Variants in SLC35E2B observed in about 807,000 individuals in gnomAD.
SLC35E2B encodes solute carrier family 35 member E2B.
Under a neutral mutation model 32.4 loss-of-function variants are expected in SLC35E2B, and 18 were observed. That is an observed-to-expected ratio of 0.56 (90% CI 0.38 to 0.82). The LOEUF (loss-of-function observed/expected upper bound fraction) is 0.82. Ranked by LOEUF, SLC35E2B falls within the 40% of genes least tolerant of loss-of-function variation. SLC35E2B has a pLI of 0.00. For synonymous variants in SLC35E2B, 132 were observed against 209.1 expected (o/e 0.63, Z 3.18); for missense variants, 263 against 469.5 (o/e 0.56, Z 4.06).
intron 2 of SLC35E2B, among the ~76,000 whole-genome samples, chr1:1,681,940 G>A (rs150714087): frequency 0.022 from 3,093 of 137,474 alleles, 127 homozygotes; most frequent in African/African-American, 0.078. Flanking sequence ...AGCCGAGATC[G>A]CGCCACTGCA....
At position 1,663,406 on chromosome 1, in the gene SLC35E2B, C is replaced by T; in HGVS notation, c.*2376G>A. 1.1e-6 allele frequency: 1 copy of T among 947,962 alleles called. No individual in the cohort carries two copies. The highest frequency in any genetic ancestry group is 1.3e-6 in the Non-Finnish European group (1 of 797,178). The allele number at this position is 947,962 out of a possible 1,614,324, so 58.7% of individuals were successfully genotyped here. A position where few individuals can be genotyped will look rare whatever the true frequency, so the allele number is the denominator to read the frequency against. ...CTCGACGGGGAGGTGGACAAGGCCA[C>T]CCTGGGAGTTGCTTTCAATCTGTCC... On this transcript the variant is annotated 3_prime_UTR_variant, in exon 10 of 10. Transcript: ENST00000617444.
intron 2 of SLC35E2B, among the ~76,000 whole-genome samples, chr1:1,688,414 G>A (rs1412113610): frequency 6.6e-6 from 1 of 151,846 alleles, no homozygotes; most frequent in Non-Finnish European, 1.5e-5. Flanking sequence ...AGATCCTCCT[G>A]GCCAACACAG....
intron 2 of SLC35E2B, among the ~76,000 whole-genome samples, chr1:1,681,169 G>T (rs1280871086): frequency 6.6e-6 from 1 of 152,024 alleles, no homozygotes; most frequent in Non-Finnish European, 1.5e-5. Flanking sequence ...ATTCCGGCCT[G>T]AAACTGTCTA....
chr1:1,686,541 T>C (rs987884887), intron 2 of SLC35E2B, among the ~76,000 whole-genome samples: 2 of 151,138 alleles, frequency 1.3e-5, no homozygotes, highest in African/African-American at 4.9e-5. Context: ...CCCAGCACTT[T>C]GGGAGGCCGA....
In SLC35E2B at chr1:1,671,672, G is replaced by A. The variant is rs746245081; in HGVS notation, c.587-43C>T. 48 of 1,463,356 alleles carry A rather than the reference G, an allele frequency of 3.3e-5. 1 individual carries two copies. Among genetic ancestry groups the A allele is most frequent in the African/African-American group, 3.1e-4 (22 of 69,888 alleles). 90.6% of individuals were successfully genotyped at this position (1,463,356 alleles called of 1,614,324 possible). A position where few individuals can be genotyped will look rare whatever the true frequency, so the allele number is the denominator to read the frequency against. On this transcript the variant is annotated intron_variant, in intron 5 of 9. Coordinates refer to ENST00000617444, the MANE Select transcript of SLC35E2B (RefSeq NM_001290264.2). ...CCTGTGAGTGGCTGACCCGCCGGGC[G>A]GACGCTCCCTCCCGAGGGCCAGGCT...
At chr1:1,681,355 G>A (rs1643898366) in intron 2 of SLC35E2B, among the ~76,000 whole-genome samples, 1 of 151,706 alleles carries the variant, frequency 6.6e-6, no homozygotes, top group Non-Finnish European at 1.5e-5. Context: ...CCGCCACCAC[G>A]CCTGGCTAAT....
intron 2 of SLC35E2B, among the ~76,000 whole-genome samples, chr1:1,681,482 C>T (rs1032455778): frequency 1.3e-5 from 2 of 151,448 alleles, no homozygotes; most frequent in African/African-American, 4.8e-5. Flanking sequence ...GCTGGGACTA[C>T]AGGCGTGAGC....
In SLC35E2B at chr1:1,663,332, C is replaced by T. The variant is rs1643454828; in HGVS notation, c.*2450G>A. On this transcript the variant is annotated 3_prime_UTR_variant, in exon 10 of 10. Transcript: ENST00000617444. The stretch of plus-strand genomic sequence containing the variant: ...AGGTGCTCAGAACCAGGCGCCTGCA[C>T]CTCTCCTTATGCCAGACCACAATCT... The T allele has an allele frequency of 1.0e-6, 1 of 978,800 alleles. No individual in the cohort carries two copies. Among genetic ancestry groups the T allele is most frequent in the African/African-American group, 1.8e-5 (1 of 57,124 alleles). 60.6% of individuals were successfully genotyped at this position (978,800 alleles called of 1,614,324 possible).
intron 7 of SLC35E2B, 161 bp downstream of exon 7, chr1:1,669,937 G>A (rs1401245708): frequency 1.2e-6 from 1 of 851,544 alleles, no homozygotes; most frequent in Non-Finnish European, 1.9e-6. Flanking sequence ...GAGTAGCTGA[G>A]AAACGGGCGG....
chr1:1,669,687 C>G lies in SLC35E2B; in HGVS notation c.811G>C (p.Val271Leu), dbSNP rs527702193. ...ACCGTAAAGAAAACCCGGGCCGGGACGAGCATGGCCACCGCAGCGGCGCTG... is the reference window on the plus strand; with the variant it reads ...ACCGTAAAGAAAACCCGGGCCGGGAGGAGCATGGCCACCGCAGCGGCGCTG... ...YTSAAAVAML[V>L]PARVFFTDVP... is the part of the protein sequence containing the mutation. The change falls in exon 8 of 10, where the codon GTC becomes CTC. Residue 271 changes from valine (V) to leucine (L), a missense_variant. Around this residue, in one of 7 missense-constraint regions of SLC35E2B, gnomAD observed 129 missense variants for 164.5 expected, o/e 0.78. Transcript: ENST00000617444. The G allele has an allele frequency of 6.5e-7, 1 of 1,531,292 alleles. No homozygotes were observed. Among genetic ancestry groups the G allele is most frequent in the Non-Finnish European group, 8.8e-7 (1 of 1,131,862 alleles). The allele number at this position is 1,531,292 out of a possible 1,614,324, so 94.9% of individuals were successfully genotyped here.
chr1:1,680,807 T>C (rs1213631613), intron 2 of SLC35E2B, among the ~76,000 whole-genome samples: 2 of 124,108 alleles, frequency 1.6e-5, no homozygotes, highest in African/African-American at 9.3e-5. Context: ...TGCTTATTCT[T>C]TTTTTTTTTT....
chr1:1,670,155 G>A lies in SLC35E2B; in HGVS notation c.708-4C>T, dbSNP rs1278566925. Reference sequence around the variant, plus strand: ...TTTTGAAAAAACATTTTGCAAACTAGAATAAAGAAAAGAGGTTATGCATCA... The same window carrying A: ...TTTTGAAAAAACATTTTGCAAACTAAAATAAAGAAAAGAGGTTATGCATCA... On this transcript the variant is annotated splice_polypyrimidine_tract_variant and splice_region_variant and intron_variant, in intron 6 of 9. Transcript: ENST00000617444. 6.5e-7 allele frequency: 1 copy of A among 1,549,510 alleles called. No homozygotes were observed. The highest frequency in any genetic ancestry group is 8.7e-7 in the Non-Finnish European group (1 of 1,144,766).
At position 1,668,312 on chromosome 1, in the gene SLC35E2B, A is replaced by G; in HGVS notation, c.980+15T>C. Reference sequence around the variant, plus strand: ...ACCTGGACACACTCAACTCTTGGGAAGTTCCTCTGCTCACCTGAAAGTCAC... The same window carrying G: ...ACCTGGACACACTCAACTCTTGGGAGGTTCCTCTGCTCACCTGAAAGTCAC... On this transcript the variant is annotated intron_variant, in intron 9 of 9. Transcript: ENST00000617444. The G allele has an allele frequency of 6.3e-7, 1 of 1,599,580 alleles. No homozygotes were observed. The highest frequency in any genetic ancestry group is 8.5e-7 in the Non-Finnish European group (1 of 1,172,954).
Position 1,671,567 on chromosome 1 carries a change from CAG to C in SLC35E2B, c.647_648del (p.Thr216ArgfsTer202). Reference protein sequence around the residue: ...VMGGLALCTATEISFNVLGFS... With the variant: ...VMGGLALCTAXEISFNVLGFS... ...AACCCCAGGACATTGAAGCTGATCT[CAG>C]TGGCCGTGCACAGCGCCAGCCCGCC... On this transcript the variant is annotated frameshift_variant, in exon 6 of 10. Coordinates refer to ENST00000617444, the MANE Select transcript of SLC35E2B (RefSeq NM_001290264.2). LOFTEE classifies it high-confidence loss of function. The C allele has an allele frequency of 1.3e-6, 2 of 1,549,836 alleles. No individual in the cohort carries two copies. The highest frequency in any genetic ancestry group is 1.7e-6 in the Non-Finnish European group (2 of 1,146,224).
At position 1,665,357 on chromosome 1, in the gene SLC35E2B, G is replaced by A. The variant is rs547393342; in HGVS notation, c.*425C>T. The A allele has an allele frequency of 1.0e-4, 41 of 409,222 alleles. No homozygotes were observed. In the Middle Eastern group the frequency reaches 2.5e-3, roughly 25 times the overall value. The allele number at this position is 409,222 out of a possible 1,614,324, so 25.3% of individuals were successfully genotyped here. A position where few individuals can be genotyped will look rare whatever the true frequency, so the allele number is the denominator to read the frequency against. Reference sequence around the variant, plus strand: ...TCATGCCCAGGGCCAGTCTGCCGCCGGTCCAGGGCCTCAGGGCCTTCGATG... The same window carrying A: ...TCATGCCCAGGGCCAGTCTGCCGCCAGTCCAGGGCCTCAGGGCCTTCGATG... On this transcript the variant is annotated 3_prime_UTR_variant, in exon 10 of 10. Transcript: ENST00000617444.
intron 2 of SLC35E2B, among the ~76,000 whole-genome samples, chr1:1,680,200 C>G (rs1030872139): frequency 1.3e-5 from 2 of 151,534 alleles, no homozygotes; most frequent in African/African-American, 4.9e-5. Flanking sequence ...ACTTAGGAGG[C>G]TGGGGTGGGA....
intron 2 of SLC35E2B, among the ~76,000 whole-genome samples, chr1:1,684,694 G>A (rs1007038830): frequency 2.0e-5 from 3 of 149,038 alleles, no homozygotes; most frequent in African/African-American, 5.0e-5. Context: ...GCAGGCTGAG[G>A]CAGAAGAATG....
intron 2 of SLC35E2B, among the ~76,000 whole-genome samples, chr1:1,680,397 TTC>T (rs1386947189): frequency 1.8e-4 from 27 of 151,958 alleles, no homozygotes; most frequent in African/African-American, 6.3e-4. Flanking sequence ...GGGACGCGGG[TTC>T]TCTGTCCGAT....
intron 9 of SLC35E2B, among the ~76,000 whole-genome samples, chr1:1,666,848 G>T (rs988068074): frequency 2.0e-5 from 3 of 152,130 alleles, no homozygotes; most frequent in African/African-American, 7.2e-5. Flanking sequence ...GCTCACGCCT[G>T]TAATCCCAGC....
Sources: allele counts gnomAD v4.1 joint callset (sites outside exome capture counted in the v4.1 genomes callset), GRCh38; gene constraint gnomAD v4.1.1; regional missense constraint gnomAD v4.1.1; transcripts MANE v1.5; gene names NCBI Gene and HGNC (gene_info 2026-07-23, HGNC 2026-07-21).